NRXN3: variants seen among roughly 807,000 people sequenced by gnomAD.
NRXN3 encodes the protein neurexin III.
A neutral mutation model predicts 137.6 loss-of-function variants in NRXN3; 32 were observed. That is an observed-to-expected ratio of 0.23 (90% CI 0.18 to 0.31). The LOEUF (loss-of-function observed/expected upper bound fraction) is 0.31, where lower values mean the gene tolerates loss of function less well. Ranked by LOEUF, NRXN3 falls within the 10% of genes least tolerant of loss-of-function variation. The pLI, the probability that NRXN3 is intolerant of heterozygous loss-of-function variation, is 1.00. For missense variants in NRXN3, 1,574 were observed against 2,062.5 expected (o/e 0.76, Z 4.59); for synonymous variants, 798 against 784.5 (o/e 1.02, Z -0.29).
chr14:78,450,289 T>C (rs1173510993), intron 4 of NRXN3, among the ~76,000 whole-genome samples: 1 of 152,252 alleles, frequency 6.6e-6, no homozygotes, highest in East Asian at 1.9e-4. Flanking sequence ...GTGAGATTTT[T>C]AACTTTTATA....
At chr14:79,199,667 C>T (rs1239496310) in intron 15 of NRXN3, among the ~76,000 whole-genome samples, 2 of 152,182 alleles carry the variant, frequency 1.3e-5, no homozygotes, top group Non-Finnish European at 2.9e-5. Flanking sequence ...AGGAAGACCA[C>T]CACTATTCCC....
intron 15 of NRXN3, among the ~76,000 whole-genome samples, chr14:79,053,756 C>T (rs2099646573): frequency 1.3e-5 from 2 of 151,668 alleles, no homozygotes; most frequent in African/African-American, 4.8e-5. Flanking sequence ...GAGAGAGAGG[C>T]TCGGACAACT....
intron 4 of NRXN3, among the ~76,000 whole-genome samples, chr14:78,570,128 C>T (rs2096876096): frequency 6.6e-6 from 1 of 152,194 alleles, no homozygotes; most frequent in Non-Finnish European, 1.5e-5. Flanking sequence ...TGTGGAAGCC[C>T]TAACTGCCAA....
intron 4 of NRXN3, among the ~76,000 whole-genome samples, chr14:78,488,946 TTACCATGGA>T (rs1299175386): frequency 6.6e-6 from 1 of 152,038 alleles, no homozygotes; most frequent in Admixed American, 6.6e-5. Flanking sequence ...TAGGTAGCAC[TTACCATGGA>T]TTGAAAAAGA....
chr14:79,159,718 T>C (rs926727756), intron 15 of NRXN3, among the ~76,000 whole-genome samples: 2 of 151,832 alleles, frequency 1.3e-5, no homozygotes, highest in African/African-American at 4.8e-5. Flanking sequence ...ATAAATTTCA[T>C]GTCTGTCCTT....
At chr14:78,559,225 T>A (rs1383338811) in intron 4 of NRXN3, among the ~76,000 whole-genome samples, 1 of 152,252 alleles carries the variant, frequency 6.6e-6, no homozygotes, top group Non-Finnish European at 1.5e-5. Context: ...TTGTAAGATA[T>A]GTAACATGCT....
At chr14:79,744,437 T>C (rs2098972869) in intron 19 of NRXN3, among the ~76,000 whole-genome samples, 2 of 152,330 alleles carry the variant, frequency 1.3e-5, no homozygotes, top group South Asian at 2.1e-4. Context: ...AATGAACTTA[T>C]GTCACATCAC....
In NRXN3 at chr14:78,391,439, T is replaced by C. The variant is rs1025652942; in HGVS notation, c.757+93579T>C. Among the ~76,000 whole-genome samples, 7 of 152,148 alleles carry C rather than the reference T, an allele frequency of 4.6e-5. No homozygotes were observed. In the East Asian group the frequency reaches 1.2e-3, roughly 25 times the overall value. ...GAGGCTTCAACAGACTTTTTAAAAA[T>C]TGGATAACCATATCTCTCTAAGGAT... On this transcript the variant is annotated intron_variant, in intron 4 of 20. Transcript: ENST00000335750.
chr14:78,573,528 C>G (rs12432323), intron 4 of NRXN3, among the ~76,000 whole-genome samples: 5,090 of 152,276 alleles, frequency 0.033, 106 homozygotes, highest in African/African-American at 0.052. Flanking sequence ...CTTTAGCAAA[C>G]AGACTAAATT....
At chr14:78,438,019 G>T (rs2094129286) in intron 4 of NRXN3, among the ~76,000 whole-genome samples, 1 of 152,088 alleles carries the variant, frequency 6.6e-6, no homozygotes, top group Non-Finnish European at 1.5e-5. Flanking sequence ...GGGTAGATGT[G>T]GGGTGTGGTG....
intron 15 of NRXN3, among the ~76,000 whole-genome samples, chr14:78,994,247 A>G (rs1426507706): frequency 6.6e-6 from 1 of 152,142 alleles, no homozygotes; most frequent in East Asian, 1.9e-4. Flanking sequence ...CAGGGAAAAT[A>G]TATGCTGCAG....
intron 4 of NRXN3, among the ~76,000 whole-genome samples, chr14:78,345,927 T>C (rs1376967883): frequency 6.6e-6 from 1 of 152,170 alleles, no homozygotes; most frequent in Non-Finnish European, 1.5e-5. Context: ...TTGTACCTAC[T>C]CTAGCTCTGA....
In NRXN3 at chr14:78,228,791, G is replaced by T. The variant is rs1007128049; in HGVS notation, c.-703-13600G>T. Among the ~76,000 whole-genome samples, 4 of 152,130 alleles carry T rather than the reference G, an allele frequency of 2.6e-5. No homozygotes were observed. The South Asian group carries it at 6.2e-4, about 24-fold the overall frequency. On this transcript the variant is annotated intron_variant, in intron 1 of 20. Transcript: ENST00000335750. ...CCCAGAATACCAGAACCTTGGGGCAGGGACACCCCTTGAAATGTACTACAG... is the reference window on the plus strand; with the variant it reads ...CCCAGAATACCAGAACCTTGGGGCATGGACACCCCTTGAAATGTACTACAG...
intron 17 of NRXN3, among the ~76,000 whole-genome samples, chr14:79,671,714 A>G (rs1401594263): frequency 1.3e-5 from 2 of 152,070 alleles, no homozygotes; most frequent in Non-Finnish European, 2.9e-5. Context: ...GCCACAGATA[A>G]ACAGGCTTGT....
At chr14:78,524,151 G>A (rs992203404) in intron 4 of NRXN3, among the ~76,000 whole-genome samples, 7 of 152,168 alleles carry the variant, frequency 4.6e-5, no homozygotes, top group African/African-American at 1.7e-4. Context: ...GGGTGGTCAC[G>A]ATTATGGATA....
At chr14:78,917,308 A>G (rs2099258063) in intron 10 of NRXN3, among the ~76,000 whole-genome samples, 1 of 152,202 alleles carries the variant, frequency 6.6e-6, no homozygotes, top group Non-Finnish European at 1.5e-5. Flanking sequence ...GGCTTACTTC[A>G]GGAGGGATGG....
chr14:79,660,015 A>T (rs69029), intron 16 of NRXN3, among the ~76,000 whole-genome samples: 42,249 of 152,058 alleles, frequency 0.28, 6,396 homozygotes, highest in Middle Eastern at 0.44. Context: ...ATGAAGTACG[A>T]AATGCTGATA....
intron 15 of NRXN3, among the ~76,000 whole-genome samples, chr14:79,444,631 C>A (rs2096025344): frequency 6.6e-6 from 1 of 152,132 alleles, no homozygotes; most frequent in Admixed American, 6.5e-5. Context: ...TCAAAACCAG[C>A]CTCAGCAATA....
At position 79,452,215 on chromosome 14, in the gene NRXN3, C is replaced by T. The variant is rs144654689; in HGVS notation, c.3263-15006C>T. ...ACATGATTGACTTAATCAGAAGGCC[C>T]AATCTAATGGAGAGAAGTACTGTAT... On this transcript the variant is annotated intron_variant, in intron 15 of 20. Transcript: ENST00000335750. Among the ~76,000 whole-genome samples the T allele has an allele frequency of 6.4e-3, 980 of 152,012 alleles. 8 individuals are homozygous for T. Among genetic ancestry groups the T allele is most frequent in the African/African-American group, 0.022 (906 of 41,478 alleles).
Sources: allele counts gnomAD v4.1 joint callset (sites outside exome capture counted in the v4.1 genomes callset), GRCh38; gene constraint gnomAD v4.1.1; transcripts MANE v1.5; gene names NCBI Gene and HGNC (gene_info 2026-07-23, HGNC 2026-07-21).